The following GHRHR variants were observed in gnomAD, a reference collection of about 807,000 sequenced individuals.
GHRHR encodes the protein growth hormone-releasing hormone receptor.
Under a neutral mutation model 58.3 loss-of-function variants are expected in GHRHR, and 40 were observed. The observed-to-expected ratio is 0.69, with a 90% CI of 0.53 to 0.89. The LOEUF (loss-of-function observed/expected upper bound fraction) is 0.89. Ranked by LOEUF, GHRHR falls within the 40% of genes least tolerant of loss-of-function variation. The pLI, the probability that GHRHR is intolerant of heterozygous loss-of-function variation, is 0.00. For synonymous variants in GHRHR, 249 were observed against 216.6 expected (o/e 1.15, Z -1.31); for missense variants, 551 against 541.3 (o/e 1.02, Z -0.18).
chr7:30,978,075 G>A (rs958396524), intron 12 of GHRHR, among the ~76,000 whole-genome samples: 1 of 152,196 alleles, frequency 6.6e-6, no homozygotes, highest in African/African-American at 2.4e-5. Flanking sequence ...CCCTCTGCTG[G>A]CCATGGATTT....
At chr7:30,964,979 G>A (rs3779249) in intron 1 of GHRHR, among the ~76,000 whole-genome samples, 54,571 of 152,058 alleles carry the variant, frequency 0.36, 11,016 homozygotes, top group African/African-American at 0.56. Flanking sequence ...ACCTGCTCCT[G>A]AGTGCACAGG....
At chr7:30,974,617 G>T in intron 8 of GHRHR, 128 bp downstream of exon 8, 3 of 764,280 alleles carry the variant, frequency 3.9e-6, no homozygotes, top group East Asian at 2.5e-5. Flanking sequence ...AGGATGGGGG[G>T]TGGGAGAACA....
intron 5 of GHRHR, among the ~76,000 whole-genome samples, chr7:30,971,584 C>T (rs1005860173): frequency 1.3e-5 from 2 of 152,140 alleles, no homozygotes; most frequent in Non-Finnish European, 2.9e-5. Context: ...GACCCCACCC[C>T]CTCCTCCAGC....
At chr7:30,965,317 T>C (rs1387026845) in intron 1 of GHRHR, among the ~76,000 whole-genome samples, 1 of 152,174 alleles carries the variant, frequency 6.6e-6, no homozygotes, top group Admixed American at 6.5e-5. Flanking sequence ...AGTGTGGGCA[T>C]CATCCCCTGC....
rs974807573 is a variant in GHRHR at position 30,971,323 on chromosome 7, C to T, written c.464+107C>T. On this transcript the variant is annotated intron_variant, in intron 5 of 12. Transcript: ENST00000326139. The stretch of plus-strand genomic sequence containing the variant: ...TAGCCATGAACTTCCCAGATCTAGG[C>T]GCCATACCCATGTCTAACTTTCCCT... 6.8e-5 allele frequency: 48 copies of T among 707,668 alleles called. No homozygotes were observed. In the East Asian group the frequency reaches 8.9e-4, roughly 13 times the overall value. 43.8% of individuals were successfully genotyped at this position (707,668 alleles called of 1,614,324 possible). A position where few individuals can be genotyped will look rare whatever the true frequency, so the allele number is the denominator to read the frequency against.
intron 1 of GHRHR, among the ~76,000 whole-genome samples, chr7:30,966,596 T>G (rs1406712500): frequency 6.6e-6 from 1 of 152,028 alleles, no homozygotes; most frequent in African/African-American, 2.4e-5. Flanking sequence ...CCCCAATCCC[T>G]GTGAGAGGGA....
chr7:30,975,501 G>C (rs1209174610), intron 9 of GHRHR, among the ~76,000 whole-genome samples: 1 of 152,180 alleles, frequency 6.6e-6, no homozygotes, highest in African/African-American at 2.4e-5. Context: ...CTAGAGAAGA[G>C]CCTGGGAGGT....
Position 30,968,833 on chromosome 7 carries a change from G to T in GHRHR, c.58-1G>T, listed in dbSNP as rs1289096496. The T allele has an allele frequency of 1.2e-6, 2 of 1,608,858 alleles. No homozygotes were observed. The highest frequency in any genetic ancestry group is 1.1e-5 in the South Asian group (1 of 90,940). The stretch of plus-strand genomic sequence containing the variant: ...CTCATCCTGTTCACTGTTTCCAGCA[G>T]GTATTGGGCCACATGCACCCAGAAT... On this transcript the variant is annotated splice_acceptor_variant, in intron 1 of 12. Coordinates refer to ENST00000326139, the MANE Select transcript of GHRHR (RefSeq NM_000823.4). LOFTEE classifies it high-confidence loss of function.
Position 30,970,972 on chromosome 7 carries a change from G to A in GHRHR, c.367-147G>A, listed in dbSNP as rs551718569. The A allele has an allele frequency of 7.2e-6, 5 of 695,224 alleles. No homozygotes were observed. In the African/African-American group the frequency reaches 8.8e-5, roughly 12 times the overall value. 43.1% of individuals were successfully genotyped at this position (695,224 alleles called of 1,614,324 possible). Reference sequence around the variant, plus strand: ...ACTAAAGCTCCAGTGCACAGGGGGAGCTTTCCATGGTACTCGCGGACACCT... The same window carrying A: ...ACTAAAGCTCCAGTGCACAGGGGGAACTTTCCATGGTACTCGCGGACACCT... On this transcript the variant is annotated intron_variant, in intron 4 of 12. Transcript: ENST00000326139.
At chr7:30,977,844 A>G (rs917041877) in intron 12 of GHRHR, among the ~76,000 whole-genome samples, 7 of 152,212 alleles carry the variant, frequency 4.6e-5, no homozygotes, top group African/African-American at 7.2e-5. Context: ...AAGAGAGTGG[A>G]CAGAAGGGGA....
chr7:30,968,839 G>A lies in GHRHR; in HGVS notation c.63G>A (p.Leu21=), dbSNP rs768567586. The part of the protein sequence containing the change: ...FCVLSPLPTV[L]GHMHPECDFI... The stretch of plus-strand genomic sequence containing the variant: ...CTGTTCACTGTTTCCAGCAGGTATT[G>A]GGCCACATGCACCCAGAATGTGACT... The change falls in exon 2 of 13, where the codon TTG becomes TTA. Residue 21 remains leucine, a synonymous_variant. Coordinates refer to ENST00000326139, the MANE Select transcript of GHRHR (RefSeq NM_000823.4). 5.0e-5 allele frequency: 81 copies of A among 1,611,566 alleles called. 1 individual carries two copies. The South Asian group carries it at 8.1e-4, about 16-fold the overall frequency.
intron 9 of GHRHR, 134 bp from the exon 10 acceptor site, chr7:30,975,643 C>T: frequency 1.4e-6 from 1 of 693,466 alleles, no homozygotes. Context: ...ATGATCTGTG[C>T]ATTCATTCAC....
intron 1 of GHRHR, among the ~76,000 whole-genome samples, chr7:30,965,175 C>A (rs1792322118): frequency 6.6e-6 from 1 of 152,202 alleles, no homozygotes. Context: ...GAAACTTCGA[C>A]TGCCCCCCTG....
Position 30,969,058 on chromosome 7 carries a change from T to G in GHRHR, c.161-5T>G, listed in dbSNP as rs1356601815. ...AGTCTCTGCTGCTCCTGGCTCTCTA[T>G]CCAGGCTGCCCTGCGACCTGGGATG... is the stretch of plus-strand genomic sequence containing the variant. On this transcript the variant is annotated splice_region_variant and splice_polypyrimidine_tract_variant and intron_variant, in intron 2 of 12. Transcript: ENST00000326139. The G allele has an allele frequency of 6.3e-7, 1 of 1,575,682 alleles. No homozygotes were observed. Among genetic ancestry groups the G allele is most frequent in the Non-Finnish European group, 8.6e-7 (1 of 1,159,156 alleles).
intron 1 of GHRHR, among the ~76,000 whole-genome samples, chr7:30,966,885 G>A (rs1215105656): frequency 4.6e-5 from 7 of 152,076 alleles, no homozygotes; most frequent in Non-Finnish European, 1.0e-4. Flanking sequence ...CAGGTGATCC[G>A]CCTACCTTGG....
intron 10 of GHRHR, 158 bp downstream of exon 10, chr7:30,976,026 A>G: frequency 4.5e-6 from 3 of 659,740 alleles, no homozygotes; most frequent in Non-Finnish European, 8.4e-6. Context: ...CTTCTAGGGG[A>G]TCACAATATT....
Position 30,971,151 on chromosome 7 carries a change from C to T in GHRHR, c.399C>T (p.Tyr133=), listed in dbSNP as rs765003087. The T allele has an allele frequency of 1.9e-5, 29 of 1,519,272 alleles. No individual in the cohort carries two copies. The South Asian group carries it at 3.4e-4, about 18-fold the overall frequency. 94.1% of individuals were successfully genotyped at this position (1,519,272 alleles called of 1,614,324 possible). Residue 133 remains tyrosine (Y), a synonymous_variant, in exon 5 of 13, where the codon TAC becomes TAT. Coordinates refer to ENST00000326139, the MANE Select transcript of GHRHR (RefSeq NM_000823.4). ...ACTTCTCCACAGTGAAGATTATCTA[C>T]ACCGTGGGCCATAGCATCTCTATTG... ...ESYFSTVKII[Y]TVGHSISIVA... is the part of the protein sequence containing the mutation.
At chr7:30,964,764 G>A (rs1300603748) in intron 1 of GHRHR, among the ~76,000 whole-genome samples, 1 of 152,146 alleles carries the variant, frequency 6.6e-6, no homozygotes, top group East Asian at 1.9e-4. Flanking sequence ...TGTACTCCAT[G>A]GGCTAGAGCG....
intron 1 of GHRHR, among the ~76,000 whole-genome samples, chr7:30,967,722 CTTTT>C (rs985496506): frequency 6.6e-6 from 1 of 152,044 alleles, no homozygotes; most frequent in South Asian, 2.1e-4. Context: ...TCCCTCCTTC[CTTTT>C]TTTATGCAGC....
Sources: allele counts gnomAD v4.1 joint callset (sites outside exome capture counted in the v4.1 genomes callset), GRCh38; gene constraint gnomAD v4.1.1; transcripts MANE v1.5; gene names NCBI Gene and HGNC (gene_info 2026-07-23, HGNC 2026-07-21).